The following TTC28 variants were observed in gnomAD, a reference collection of about 807,000 sequenced individuals.
TTC28 encodes tetratricopeptide repeat domain 28, also known as tetratricopeptide repeat protein 28.
Under a neutral mutation model 198.0 loss-of-function variants are expected in TTC28, and 61 were observed. The ratio of observed to expected loss-of-function variants is 0.31; its 90% CI spans 0.25 to 0.38. TTC28 has a LOEUF of 0.38. TTC28 is among the 10% of genes least tolerant of loss of function. The pLI is 1.00. For missense variants in TTC28, 2,678 were observed against 3,164.0 expected, an observed-to-expected ratio of 0.85 and a Z score of 3.69; for synonymous variants, 1,171 against 1,297.8, an observed-to-expected ratio of 0.90 and a Z score of 2.10.
At chr22:27,995,169 T>C (rs138648) in intron 17 of TTC28, among the ~76,000 whole-genome samples, 19,185 of 152,216 alleles carry the variant, frequency 0.13, 1,274 homozygotes, top group South Asian at 0.17. Context: ...GAAGTTTGCA[T>C]GGCCCAGGAG....
intron 1 of TTC28, among the ~76,000 whole-genome samples, chr22:28,659,462 T>A (rs1192690405): frequency 1.3e-5 from 2 of 151,900 alleles, no homozygotes; most frequent in African/African-American, 2.4e-5. Context: ...GGAGATGGGG[T>A]TTTACCAGTT....
intron 2 of TTC28, among the ~76,000 whole-genome samples, chr22:28,354,931 T>A (rs1471803685): frequency 6.6e-6 from 1 of 150,974 alleles, no homozygotes; most frequent in Non-Finnish European, 1.5e-5. Flanking sequence ...CACTAACTCG[T>A]CATCTAGCAT....
intron 2 of TTC28, among the ~76,000 whole-genome samples, chr22:28,327,015 C>CAG (rs1555968690): frequency 2.1e-5 from 3 of 143,606 alleles, no homozygotes; most frequent in African/African-American, 7.6e-5. Flanking sequence ...CACACACACA[C>CAG]AGCAAGCCCT....
At chr22:28,047,850 C>A (rs1939929500) in intron 12 of TTC28, among the ~76,000 whole-genome samples, 1 of 152,150 alleles carries the variant, frequency 6.6e-6, no homozygotes, top group African/African-American at 2.4e-5. Flanking sequence ...AAGAGTATAT[C>A]CTGGGCTCAG....
rs149805078 is a variant in TTC28 at position 28,253,239 on chromosome 22, T to C, written c.933+42959A>G. On this transcript the variant is annotated intron_variant, in intron 5 of 22. Transcript: ENST00000397906. Reference sequence around the variant, plus strand: ...ATGTAATGAAAACAATTGTTCAGACTTCCAAATCAATTGAAGTAAATTTAT... The same window carrying C: ...ATGTAATGAAAACAATTGTTCAGACCTCCAAATCAATTGAAGTAAATTTAT... Among the ~76,000 whole-genome samples, 12 of 152,298 alleles carry C rather than the reference T, an allele frequency of 7.9e-5. No individual in the cohort carries two copies. In the East Asian group the frequency reaches 2.3e-3, roughly 29 times the overall value.
chr22:28,427,771 A>C (rs1232062590), intron 2 of TTC28, among the ~76,000 whole-genome samples: 2 of 149,656 alleles, frequency 1.3e-5, no homozygotes, highest in Non-Finnish European at 3.0e-5. Context: ...TATGTTATCA[A>C]AAAAAAAAAG....
At position 28,148,341 on chromosome 22, in the gene TTC28, C is replaced by T. The variant is rs1285761572; in HGVS notation, c.1441+14751G>A. 4.6e-5 allele frequency among the ~76,000 whole-genome samples: 7 copies of T among 152,328 alleles called. No individual in the cohort carries two copies. In the East Asian group the frequency reaches 1.4e-3, roughly 29 times the overall value. ...TAAGAATGAAGTTCTAGGCCGGGTGCAGTGGCTCATGCCTGTAATCCCAGC... is the reference window on the plus strand; with the variant it reads ...TAAGAATGAAGTTCTAGGCCGGGTGTAGTGGCTCATGCCTGTAATCCCAGC... On this transcript the variant is annotated intron_variant, in intron 6 of 22. Coordinates refer to ENST00000397906, the MANE Select transcript of TTC28 (RefSeq NM_001145418.2).
intron 5 of TTC28, among the ~76,000 whole-genome samples, chr22:28,237,030 T>C (rs1292328299): frequency 6.6e-6 from 1 of 152,170 alleles, no homozygotes; most frequent in African/African-American, 2.4e-5. Flanking sequence ...CATTTCTCCT[T>C]TGTTCCTTTT....
At chr22:28,314,426 A>G (rs1433532880) in intron 2 of TTC28, among the ~76,000 whole-genome samples, 1 of 152,240 alleles carries the variant, frequency 6.6e-6, no homozygotes, top group Non-Finnish European at 1.5e-5. Flanking sequence ...GGCAAGAAGA[A>G]CAAAGCTGGA....
rs150189338 is a variant in TTC28, at chr22:28,304,142, A to G, written c.529+2354T>C. ...CTACTAAAAATAGAAAAAATTAGCC[A>G]GACGTGGTGGCGGGCGCCTGTAGTC... On this transcript the variant is annotated intron_variant, in intron 3 of 22. Transcript: ENST00000397906. Among the ~76,000 whole-genome samples the G allele has an allele frequency of 8.9e-3, 1,351 of 152,192 alleles. 34 individuals carry two copies. The highest frequency in any genetic ancestry group is 0.084 in the East Asian group (435 of 5,160).
intron 2 of TTC28, among the ~76,000 whole-genome samples, chr22:28,311,983 C>T (rs1372672833): frequency 1.3e-5 from 2 of 148,866 alleles, no homozygotes; most frequent in East Asian, 3.9e-4. Flanking sequence ...CAAAGATATA[C>T]ACAGGCTCAA....
At chr22:28,387,828 T>C (rs1209878431) in intron 2 of TTC28, among the ~76,000 whole-genome samples, 2 of 152,150 alleles carry the variant, frequency 1.3e-5, no homozygotes, top group Admixed American at 1.3e-4. Flanking sequence ...TCTTTTGCTG[T>C]GCAGAAGCTC....
At chr22:28,637,301 C>T (rs926342703) in intron 1 of TTC28, among the ~76,000 whole-genome samples, 11 of 152,126 alleles carry the variant, frequency 7.2e-5, no homozygotes, top group African/African-American at 1.4e-4. Flanking sequence ...CGTGAGCCAC[C>T]GCGCCCAGCC....
At chr22:28,376,683 G>C (rs540497466) in intron 2 of TTC28, among the ~76,000 whole-genome samples, 1 of 152,170 alleles carries the variant, frequency 6.6e-6, no homozygotes, top group African/African-American at 2.4e-5. Flanking sequence ...GGGAAGCAAA[G>C]AAGAGCCCAC....
At chr22:28,016,577 G>A (rs1257874110) in intron 13 of TTC28, among the ~76,000 whole-genome samples, 1 of 152,186 alleles carries the variant, frequency 6.6e-6, no homozygotes, top group South Asian at 2.1e-4. Context: ...CCCAACTTGA[G>A]GTGCCTCAGT....
At position 28,107,682 on chromosome 22, in the gene TTC28, G is replaced by T. The variant is rs992479141; in HGVS notation, c.2163C>A (p.Gly721=). The stretch of plus-strand genomic sequence containing the variant: ...TATCTTTTTTACAGATGAATATATC[G>T]CCCAGGTTTCCTAGGGCTCGAAATT... ...QAKFRALGNL[G]DIFICKKDIN... Residue 721 remains glycine (G), a synonymous_variant, in exon 7 of 23, where the codon GGC becomes GGA. Transcript: ENST00000397906. 2.6e-6 allele frequency: 4 copies of T among 1,551,534 alleles called. No individual in the cohort carries two copies. Among genetic ancestry groups the T allele is most frequent in the Admixed American group, 3.9e-5 (2 of 50,980 alleles).
In TTC28 at chr22:28,530,061, C is replaced by T. The variant is rs548205931; in HGVS notation, c.381+99491G>A. On this transcript the variant is annotated intron_variant, in intron 2 of 22. Coordinates refer to ENST00000397906, the MANE Select transcript of TTC28 (RefSeq NM_001145418.2). Reference sequence around the variant, plus strand: ...AACAAAGCTGAACAGAGAATGACTTCGACGGTTGAGAGAAGAAGGCTTCAG... The same window carrying T: ...AACAAAGCTGAACAGAGAATGACTTTGACGGTTGAGAGAAGAAGGCTTCAG... 4.6e-5 allele frequency among the ~76,000 whole-genome samples: 7 copies of T among 152,240 alleles called. No homozygotes were observed. The East Asian group carries it at 5.8e-4, about 13-fold the overall frequency.
At chr22:28,572,061 C>T (rs1203806332) in intron 2 of TTC28, among the ~76,000 whole-genome samples, 3 of 151,716 alleles carry the variant, frequency 2.0e-5, no homozygotes, top group Non-Finnish European at 4.4e-5. Context: ...CAGCCCAGAG[C>T]GGTAGCTCAT....
intron 1 of TTC28, among the ~76,000 whole-genome samples, chr22:28,654,280 G>A (rs1381332822): frequency 1.3e-5 from 2 of 152,208 alleles, no homozygotes; most frequent in South Asian, 4.1e-4. Context: ...CTGAGATTCT[G>A]CTAAGGGCCT....
Sources: allele counts gnomAD v4.1 joint callset (sites outside exome capture counted in the v4.1 genomes callset), GRCh38; gene constraint gnomAD v4.1.1; transcripts MANE v1.5; gene names NCBI Gene and HGNC (gene_info 2026-07-23, HGNC 2026-07-21).